Variants in OPCML observed in about 807,000 individuals in gnomAD.
The protein encoded by OPCML is opioid binding protein/cell adhesion molecule like, also known as opioid-binding protein/cell adhesion molecule.
Under a neutral mutation model 37.8 loss-of-function variants are expected in OPCML, and 13 were observed. That is an observed-to-expected ratio of 0.34 (90% CI 0.22 to 0.55). The LOEUF is 0.55. Ranked by LOEUF, OPCML falls within the 20% of genes least tolerant of loss-of-function variation. The pLI is 0.91. For synonymous variants in OPCML, 176 were observed against 168.8 expected (o/e 1.04, Z -0.33); for missense variants, 341 against 435.6 (o/e 0.78, Z 1.93).
chr11:132,567,695 G>A (rs1380771440), intron 3 of OPCML, among the ~76,000 whole-genome samples: 1 of 152,112 alleles, frequency 6.6e-6, no homozygotes, highest in East Asian at 1.9e-4. Context: ...GAGAGAATTG[G>A]GTAATGTTTT....
At chr11:133,123,945 C>A (rs1007842462) in intron 1 of OPCML, among the ~76,000 whole-genome samples, 3 of 151,958 alleles carry the variant, frequency 2.0e-5, no homozygotes, top group Admixed American at 6.6e-5. Context: ...CAGAGCCACC[C>A]CCAAGAAGTT....
chr11:133,207,964 T>C (rs1159468199), intron 1 of OPCML, among the ~76,000 whole-genome samples: 1 of 152,152 alleles, frequency 6.6e-6, no homozygotes, highest in Non-Finnish European at 1.5e-5. Flanking sequence ...GAAAAATATT[T>C]TTCCCTCCTT....
intron 3 of OPCML, 103 bp from the exon 4 acceptor site, chr11:132,529,289 ATT>A: frequency 7.2e-7 from 1 of 1,393,302 alleles, no homozygotes; most frequent in East Asian, 2.5e-5. Flanking sequence ...TATAATAAAT[ATT>A]GTTTGCAGTA....
At chr11:133,421,092 G>C (rs949171879) in intron 1 of OPCML, 5 of 985,206 alleles carry the variant, frequency 5.1e-6, no homozygotes, top group Admixed American at 1.2e-4. Flanking sequence ...CATAATCTGC[G>C]GTCAGCAGGG....
Position 132,858,060 on chromosome 11 carries a change from C to T in OPCML, c.146+84866G>A, listed in dbSNP as rs138339283. On this transcript the variant is annotated intron_variant, in intron 2 of 7. Transcript: ENST00000524381. ...GGAGGACTCTGAAGACAGAAGTCGG[C>T]GGTTTCTCACTGGCACATACATGCA... 9.6e-4 allele frequency among the ~76,000 whole-genome samples: 146 copies of T among 152,206 alleles called. 2 individuals carry two copies. In the East Asian group the frequency reaches 0.025, roughly 26 times the overall value.
intron 2 of OPCML, among the ~76,000 whole-genome samples, chr11:132,678,796 G>T (rs535239137): frequency 1.3e-5 from 2 of 152,170 alleles, no homozygotes; most frequent in African/African-American, 4.8e-5. Flanking sequence ...TAATACTAGC[G>T]TGGTGGCTCT....
Position 133,261,293 on chromosome 11 carries a change from C to T in OPCML, c.61+270971G>A, listed in dbSNP as rs189153643. On this transcript the variant is annotated intron_variant, in intron 1 of 7. Transcript: ENST00000524381. ...ATTCCTTAAGTGTCCACTTTCTGAG[C>T]TATGATCTGATTGACGGGTCTTGTA... is the stretch of plus-strand genomic sequence containing the variant. 2.6e-5 allele frequency among the ~76,000 whole-genome samples: 4 copies of T among 152,324 alleles called. No individual in the cohort carries two copies. In the East Asian group the frequency reaches 7.7e-4, roughly 29 times the overall value.
At chr11:133,195,411 C>T (rs879262396) in intron 1 of OPCML, among the ~76,000 whole-genome samples, 3 of 152,174 alleles carry the variant, frequency 2.0e-5, no homozygotes, top group Non-Finnish European at 4.4e-5. Context: ...TGTATGTGTG[C>T]CTTTCTGCAA....
intron 1 of OPCML, among the ~76,000 whole-genome samples, chr11:133,515,791 G>C (rs73587663): frequency 0.22 from 32,741 of 151,500 alleles, 4,017 homozygotes; most frequent in Admixed American, 0.34. Context: ...TTTCCTCAAG[G>C]GTCAAGGCAG....
intron 2 of OPCML, among the ~76,000 whole-genome samples, chr11:132,805,748 T>G (rs1215954954): frequency 6.6e-6 from 1 of 151,990 alleles, no homozygotes; most frequent in Non-Finnish European, 1.5e-5. Context: ...TGACAGCAGA[T>G]TTTCACTGTA....
chr11:132,803,207 G>A (rs1308716470), intron 2 of OPCML, among the ~76,000 whole-genome samples: 1 of 152,094 alleles, frequency 6.6e-6, no homozygotes, highest in Admixed American at 6.6e-5. Context: ...CTCCCCACCA[G>A]TAAAAGCTAT....
At chr11:132,858,563 G>C (rs1342894224) in intron 2 of OPCML, among the ~76,000 whole-genome samples, 2 of 152,154 alleles carry the variant, frequency 1.3e-5, no homozygotes, top group Non-Finnish European at 2.9e-5. Context: ...AACCCAAGAG[G>C]GATTTCCCAG....
intron 1 of OPCML, among the ~76,000 whole-genome samples, chr11:133,183,248 C>T (rs535748368): frequency 7.2e-4 from 109 of 152,240 alleles, no homozygotes; most frequent in Non-Finnish European, 1.3e-3. Context: ...AAATAAGAAA[C>T]GCACACTGAC....
At chr11:133,077,097 G>A (rs1432219456) in intron 1 of OPCML, among the ~76,000 whole-genome samples, 1 of 152,024 alleles carries the variant, frequency 6.6e-6, no homozygotes, top group African/African-American at 2.4e-5. Flanking sequence ...CTGGGTTGCG[G>A]TTCTCTAGAG....
At position 132,416,572 on chromosome 11, in the gene OPCML, C is replaced by T. The variant is rs934772914; in HGVS notation, c.*3621G>A. 3 of 152,106 alleles carry T rather than the reference C, an allele frequency of 2.0e-5. No homozygotes were observed. Among genetic ancestry groups the T allele is most frequent in the South Asian group, 2.1e-4 (1 of 4,826 alleles). The allele number at this position is 152,106 out of a possible 1,614,324, so 9.4% of individuals were successfully genotyped here. ...AAACCCAGCCTCAGTTTTGAAGTTG[C>T]TAGAGTCCAGGAATAGTCTTCTCAC... On this transcript the variant is annotated 3_prime_UTR_variant, in exon 8 of 8. Transcript: ENST00000524381.
chr11:132,433,617 A>T (rs1380707167), intron 7 of OPCML, among the ~76,000 whole-genome samples: 1 of 152,178 alleles, frequency 6.6e-6, no homozygotes, highest in East Asian at 1.9e-4. Flanking sequence ...GTCTATGTTG[A>T]TGCTCTAACC....
At chr11:132,649,357 C>T (rs529445969) in intron 3 of OPCML, among the ~76,000 whole-genome samples, 3 of 152,094 alleles carry the variant, frequency 2.0e-5, no homozygotes, top group Admixed American at 6.5e-5. Context: ...CTAGGAGACG[C>T]GTGAAGGTCA....
chr11:132,583,623 A>G (rs2096466520), intron 3 of OPCML, among the ~76,000 whole-genome samples: 1 of 150,838 alleles, frequency 6.6e-6, no homozygotes, highest in African/African-American at 2.4e-5. Flanking sequence ...TTATTTATTT[A>G]TTTACTTTTT....
intron 1 of OPCML, among the ~76,000 whole-genome samples, chr11:132,945,312 C>A (rs1489744733): frequency 3.3e-5 from 5 of 152,352 alleles, no homozygotes; most frequent in African/African-American, 1.2e-4. Flanking sequence ...GCCTATTGCT[C>A]CTTGGCTGCA....
Sources: allele counts gnomAD v4.1 joint callset (sites outside exome capture counted in the v4.1 genomes callset), GRCh38; gene constraint gnomAD v4.1.1; transcripts MANE v1.5; gene names NCBI Gene and HGNC (gene_info 2026-07-23, HGNC 2026-07-21).